The following ZNF254 variants were observed in gnomAD, a reference collection of about 807,000 sequenced individuals.
The protein encoded by ZNF254 is CTD-2017D11.1.
Under a neutral mutation model 12.4 loss-of-function variants are expected in ZNF254, and 10 were observed. The observed-to-expected ratio is 0.80, with a 90% CI of 0.50 to 1.36. The LOEUF is 1.36. Among genes scored for constraint, ZNF254 ranks in the 40% most tolerant of loss-of-function variants. The pLI, the probability that ZNF254 is intolerant of heterozygous loss-of-function variation, is 0.00. For missense variants in ZNF254, 996 were observed against 763.9 expected (o/e 1.30, Z -3.58); for synonymous variants, 305 against 253.4 (o/e 1.20, Z -1.93).
Position 24,127,389 on chromosome 19 carries a change from A to T in ZNF254, c.1389A>T (p.Lys463Asn). Residue 463 changes from lysine to asparagine, a missense_variant, in exon 4 of 4, where the codon AAA (lysine) becomes AAT (asparagine). By Grantham distance (94) the Lys-to-Asn change is moderately conservative. Coordinates refer to ENST00000357002, the MANE Select transcript of ZNF254 (RefSeq NM_203282.4). The part of the protein sequence containing the change: ...KRIHTREKPY[K>N]CEECGKAFIW... ...TTCATACTAGAGAGAAACCCTACAA[A>T]TGTGAAGAATGTGGCAAGGCATTTA... is the stretch of plus-strand genomic sequence containing the variant. 1 of 1,611,192 alleles carries T rather than the reference A, an allele frequency of 6.2e-7. No individual in the cohort carries two copies. The highest frequency in any genetic ancestry group is 1.3e-5 in the African/African-American group (1 of 74,610).
Position 24,127,976 on chromosome 19 carries a change from T to A in ZNF254, c.1976T>A (p.Val659Glu), listed in dbSNP as rs1462631105. 2 of 1,546,154 alleles carry A rather than the reference T, an allele frequency of 1.3e-6. No individual in the cohort carries two copies. The highest frequency in any genetic ancestry group is 1.7e-6 in the Non-Finnish European group (2 of 1,152,538). ...ACTCATTGGAGAGAAATCTTACAAG[T>A]ATGAATAATGTGCCAAAGCCTAAGA... ...KITHWREILQ[V>E] The change falls in exon 4 of 4, where the codon GTA becomes GAA. Residue 659 changes from valine to glutamate, a missense_variant. Physicochemically the swap from Val to Glu is moderately radical, Grantham distance 121. Coordinates refer to ENST00000357002, the MANE Select transcript of ZNF254 (RefSeq NM_203282.4).
At chr19:24,049,414 A>G (rs1161642774) in intron 2 of ZNF254, 1 of 151,622 alleles carries the variant, frequency 6.6e-6, no homozygotes, top group African/African-American at 2.4e-5. Flanking sequence ...GTCCAGATGT[A>G]TAATCTCATC....
rs540079086 is a variant in ZNF254, at chr19:24,087,933, T to G, written c.30+596T>G. Among the ~76,000 whole-genome samples, 650 of 149,772 alleles carry G rather than the reference T, an allele frequency of 4.3e-3. 4 individuals carry two copies. The highest frequency in any genetic ancestry group is 0.015 in the African/African-American group (606 of 40,532). On this transcript the variant is annotated intron_variant, in intron 1 of 3. Coordinates refer to ENST00000357002, the MANE Select transcript of ZNF254 (RefSeq NM_203282.4). ...TTTTTTTTTTTTTTTTTCTTTTTTTTGAGACAGAGTCTCACTTTTTTGCTC... is the reference window on the plus strand; with the variant it reads ...TTTTTTTTTTTTTTTTTCTTTTTTTGGAGACAGAGTCTCACTTTTTTGCTC...
At chr19:24,062,016 T>C (rs111734250) in intron 2 of ZNF254, among the ~76,000 whole-genome samples, 22,193 of 143,604 alleles carry the variant, frequency 0.15, 1,906 homozygotes, top group Middle Eastern at 0.25. Flanking sequence ...ACCCAGGAGG[T>C]GGAGGTTGTG....
intron 2 of ZNF254, chr19:24,066,911 A>C (rs1244678772): frequency 6.6e-6 from 1 of 152,022 alleles, no homozygotes; most frequent in African/African-American, 2.4e-5. Context: ...AAAAAAAATA[A>C]AATAAAATAA....
intron 1 of ZNF254, chr19:24,104,334 A>G (rs1478052552): frequency 6.6e-6 from 1 of 152,188 alleles, no homozygotes; most frequent in Non-Finnish European, 1.5e-5. Flanking sequence ...ACAGGTGAAC[A>G]TGTGCTCAAA....
At chr19:24,110,731 T>G (rs1439097632) in intron 3 of ZNF254, among the ~76,000 whole-genome samples, 2 of 152,190 alleles carry the variant, frequency 1.3e-5, no homozygotes, top group East Asian at 3.8e-4. Context: ...TTCCACCTTC[T>G]GTTTTTATGA....
At chr19:24,093,530 C>T (rs1265632273) in intron 1 of ZNF254, among the ~76,000 whole-genome samples, 1 of 152,128 alleles carries the variant, frequency 6.6e-6, no homozygotes, top group African/African-American at 2.4e-5. Flanking sequence ...ATTCCACCAC[C>T]ATTTATTACA....
upstream of ZNF254, chr19:24,087,091 G>T: frequency 1.9e-6 from 1 of 531,472 alleles, no homozygotes; most frequent in Non-Finnish European, 3.4e-6. Context: ...GAGTAGGCGG[G>T]GCCTTAAACG....
chr19:24,047,218 ATG>A (rs1400055827), intron 2 of ZNF254, among the ~76,000 whole-genome samples: 1 of 148,808 alleles, frequency 6.7e-6, no homozygotes, highest in Non-Finnish European at 1.5e-5. Context: ...CTCTCTTTCT[ATG>A]TGTCTTTCCC....
intron 2 of ZNF254, among the ~76,000 whole-genome samples, chr19:24,058,571 C>A (rs775336987): frequency 6.6e-6 from 1 of 152,034 alleles, no homozygotes; most frequent in Non-Finnish European, 1.5e-5. Flanking sequence ...CCACGCCTGG[C>A]TAATTTTTGT....
rs143131528 is a variant in ZNF254 at position 24,127,717 on chromosome 19, C to A, written c.1717C>A (p.Pro573Thr). 4.1e-4 allele frequency: 660 copies of A among 1,613,150 alleles called. 4 individuals are homozygous for A. In the African/African-American group the frequency reaches 7.6e-3, roughly 19 times the overall value. The change falls in exon 4 of 4, where the codon CCC becomes ACC. Residue 573 changes from proline (P) to threonine (T), a missense_variant. Pro to Thr is a conservative substitution (Grantham distance 38). Coordinates refer to ENST00000357002, the MANE Select transcript of ZNF254 (RefSeq NM_203282.4). ...NHKRIHTGEK[P>T]YKCEECGKSF... is the part of the protein sequence containing the mutation. Reference sequence around the variant, plus strand: ...TAAGAGAATTCATACTGGAGAGAAACCCTATAAATGTGAAGAATGTGGCAA... The same window carrying A: ...TAAGAGAATTCATACTGGAGAGAAAACCTATAAATGTGAAGAATGTGGCAA...
At chr19:24,072,206 C>G (rs1971507021) in intron 2 of ZNF254, among the ~76,000 whole-genome samples, 1 of 151,004 alleles carries the variant, frequency 6.6e-6, no homozygotes, top group African/African-American at 2.4e-5. Flanking sequence ...TAGTCTCGCT[C>G]TGTCACCCAG....
chr19:24,037,345 T>G (rs1226094365), intron 1 of ZNF254, among the ~76,000 whole-genome samples: 1 of 152,172 alleles, frequency 6.6e-6, no homozygotes, highest in Admixed American at 6.5e-5. Context: ...CAGACAAAAA[T>G]TAGAAATACA....
At chr19:24,065,117 C>A (rs1329087491) in intron 2 of ZNF254, among the ~76,000 whole-genome samples, 1 of 152,166 alleles carries the variant, frequency 6.6e-6, no homozygotes, top group East Asian at 1.9e-4. Context: ...CTGAGCCCCT[C>A]CCACAGAGGG....
At position 24,126,609 on chromosome 19, in the gene ZNF254, T is replaced by G; in HGVS notation, c.609T>G (p.Ile203Met). 1.2e-6 allele frequency: 2 copies of G among 1,606,094 alleles called. No homozygotes were observed. The highest frequency in any genetic ancestry group is 2.2e-5 in the South Asian group (2 of 88,958). The change falls in exon 4 of 4, where the codon ATT becomes ATG. Residue 203 changes from isoleucine to methionine, a missense_variant. Transcript: ENST00000357002. ...MLSHKTQHKS[I>M]YHREKSYKCK... ...CACATAAAACCCAACACAAAAGCAT[T>G]TATCATAGAGAGAAGTCCTACAAAT...
chr19:24,106,174 A>C (rs1568460048), intron 2 of ZNF254, 108 bp downstream of exon 2: 9 of 1,375,768 alleles, frequency 6.5e-6, no homozygotes, highest in Non-Finnish European at 8.7e-6. Context: ...TCAAGAAAAT[A>C]CTGGGGATTT....
In ZNF254 at chr19:24,126,986, A is replaced by T; in HGVS notation, c.986A>T (p.Lys329Ile). The change falls in exon 4 of 4, where the codon AAA becomes ATA. Residue 329 changes from lysine (K) to isoleucine (I), a missense_variant. Transcript: ENST00000357002. ...CCCTACAAGTGTGAAGAATGTGGCA[A>T]AGCATTTATATGGTCCTCAACACTA... ...KKPYKCEECG[K>I]AFIWSSTLTR... 1 of 1,613,770 alleles carries T rather than the reference A, an allele frequency of 6.2e-7. No homozygotes were observed. Among genetic ancestry groups the T allele is most frequent in the Non-Finnish European group, 8.5e-7 (1 of 1,179,804 alleles).
At chr19:24,053,354 A>G (rs1318442150) in intron 2 of ZNF254, among the ~76,000 whole-genome samples, 1 of 152,188 alleles carries the variant, frequency 6.6e-6, no homozygotes. Flanking sequence ...AATGTGTGAA[A>G]TTGTTAATCT....
Sources: gnomAD v4.1 joint callset for allele counts (sites outside exome capture counted in the v4.1 genomes callset) on GRCh38, gnomAD v4.1.1 for gene constraint, MANE v1.5 for transcripts, NCBI Gene and HGNC (gene_info 2026-07-23, HGNC 2026-07-21) for gene names.